Variants in CTNND2 observed in about 807,000 individuals in gnomAD.
The protein encoded by CTNND2 is catenin delta-2.
CTNND2 carries 22 observed loss-of-function variants against 144.4 expected under a neutral mutation model. That is an observed-to-expected ratio of 0.15 (90% CI 0.11 to 0.22). The LOEUF (loss-of-function observed/expected upper bound fraction) is 0.22. Ranked by LOEUF, CTNND2 falls within the 10% of genes least tolerant of loss-of-function variation. CTNND2 has a pLI of 1.00. For missense variants in CTNND2, 1,353 were observed against 1,618.8 expected (o/e 0.84, Z 2.82); for synonymous variants, 751 against 695.6 (o/e 1.08, Z -1.25).
At chr5:11,253,096 T>C (rs1026091319) in intron 9 of CTNND2, among the ~76,000 whole-genome samples, 11 of 152,260 alleles carry the variant, frequency 7.2e-5, no homozygotes, top group Admixed American at 2.6e-4. Flanking sequence ...GGTCAGGAGA[T>C]GGAACAGAGA....
intron 1 of CTNND2, among the ~76,000 whole-genome samples, chr5:11,822,949 G>A (rs1370071870): frequency 1.3e-5 from 2 of 152,090 alleles, no homozygotes; most frequent in African/African-American, 4.8e-5. Flanking sequence ...GATAATAAAT[G>A]TATGTCACTA....
intron 9 of CTNND2, among the ~76,000 whole-genome samples, chr5:11,326,603 A>G (rs1752554736): frequency 6.6e-6 from 1 of 152,018 alleles, no homozygotes; most frequent in South Asian, 2.1e-4. Flanking sequence ...CTAGGTGTAC[A>G]TTTCTCTCTT....
At chr5:11,719,134 C>A (rs1246028739) in intron 2 of CTNND2, among the ~76,000 whole-genome samples, 2 of 152,172 alleles carry the variant, frequency 1.3e-5, no homozygotes, top group Non-Finnish European at 2.9e-5. Flanking sequence ...GTTACATAAC[C>A]AAGGCCGTTC....
intron 3 of CTNND2, among the ~76,000 whole-genome samples, chr5:11,477,590 T>C (rs914956433): frequency 2.0e-5 from 3 of 152,092 alleles, no homozygotes; most frequent in Non-Finnish European, 2.9e-5. Context: ...TTTTAAATTG[T>C]TTTTTGTAGA....
chr5:11,808,925 G>A (rs568913008), intron 1 of CTNND2, among the ~76,000 whole-genome samples: 2 of 152,296 alleles, frequency 1.3e-5, no homozygotes, highest in South Asian at 4.1e-4. Flanking sequence ...AAATTAACCT[G>A]AACTACTAAT....
intron 9 of CTNND2, among the ~76,000 whole-genome samples, chr5:11,272,218 T>C (rs1461141444): frequency 2.6e-5 from 4 of 152,186 alleles, no homozygotes; most frequent in Non-Finnish European, 5.9e-5. Flanking sequence ...GATAGAATTC[T>C]GTCCTTTCTT....
intron 9 of CTNND2, among the ~76,000 whole-genome samples, chr5:11,257,877 G>C (rs921594935): frequency 2.6e-5 from 4 of 152,122 alleles, no homozygotes; most frequent in African/African-American, 9.7e-5. Context: ...AGATGGTAAG[G>C]CACCTGACAG....
intron 3 of CTNND2, among the ~76,000 whole-genome samples, chr5:11,452,828 G>A (rs1194813240): frequency 6.6e-6 from 1 of 152,114 alleles, no homozygotes. Context: ...CACATAATAT[G>A]TGCGCACATT....
intron 1 of CTNND2, among the ~76,000 whole-genome samples, chr5:11,842,507 CAGGAGATCG>C (rs1304079752): frequency 7.9e-5 from 12 of 152,040 alleles, no homozygotes; most frequent in Non-Finnish European, 1.5e-5. Flanking sequence ...ATCGTGAGGT[CAGGAGATCG>C]AGACCATCCT....
rs1250157665 is a variant in CTNND2, at chr5:11,411,620, T to C, written c.355A>G (p.Thr119Ala). 5 of 1,611,456 alleles carry C rather than the reference T, an allele frequency of 3.1e-6. No homozygotes were observed. The highest frequency in any genetic ancestry group is 1.7e-4 in the Middle Eastern group (1 of 6,046). The stretch of plus-strand genomic sequence containing the variant: ...CAGGAGTCCACCAGCTCGAGACCTG[T>C]TGTAAGCTCATCTTCGATATCTTTT... ...GQKDIEDELTTGLELVDSCIR... is the reference protein window; with the variant it reads ...GQKDIEDELTAGLELVDSCIR... The change falls in exon 5 of 22, where the codon ACA becomes GCA. Residue 119 changes from threonine (T) to alanine (A), a missense_variant. Thr to Ala is a moderately conservative substitution (Grantham distance 58). Transcript: ENST00000304623.
At chr5:11,459,411 A>G (rs1290698040) in intron 3 of CTNND2, among the ~76,000 whole-genome samples, 2 of 152,188 alleles carry the variant, frequency 1.3e-5, no homozygotes, top group Non-Finnish European at 2.9e-5. Context: ...AGGAGACTCT[A>G]CTCGGAAGAA....
At chr5:11,165,195 T>C (rs1235178041) in intron 11 of CTNND2, among the ~76,000 whole-genome samples, 1 of 152,236 alleles carries the variant, frequency 6.6e-6, no homozygotes, top group African/African-American at 2.4e-5. Context: ...ATTATTTACT[T>C]TGAATCTACA....
At chr5:11,036,017 T>G (rs852631) in intron 16 of CTNND2, among the ~76,000 whole-genome samples, 30,382 of 152,124 alleles carry the variant, frequency 0.2, 3,606 homozygotes, top group Non-Finnish European at 0.27. Context: ...TTCTCTCTGA[T>G]TATATTTGAG....
intron 1 of CTNND2, among the ~76,000 whole-genome samples, chr5:11,868,443 C>T (rs1233212091): frequency 6.6e-6 from 1 of 152,134 alleles, no homozygotes. Flanking sequence ...ACTGAATATT[C>T]AGAATCAAGG....
At chr5:11,816,413 T>C (rs142869824) in intron 1 of CTNND2, among the ~76,000 whole-genome samples, 5 of 150,328 alleles carry the variant, frequency 3.3e-5, no homozygotes, top group Non-Finnish European at 7.4e-5. Context: ...AGAGAGGGAG[T>C]CCCAAGGCTG....
intron 14 of CTNND2, among the ~76,000 whole-genome samples, chr5:11,100,307 T>A (rs1181352717): frequency 6.6e-6 from 1 of 152,198 alleles, no homozygotes; most frequent in African/African-American, 2.4e-5. Flanking sequence ...CAATTTTAAC[T>A]TTATAACAAG....
intron 18 of CTNND2, among the ~76,000 whole-genome samples, chr5:11,001,587 C>G (rs1274508897): frequency 6.6e-6 from 1 of 152,076 alleles, no homozygotes; most frequent in African/African-American, 2.4e-5. Context: ...AGCTAGCATC[C>G]ACGGTTCTTA....
At chr5:11,398,048 A>G (rs1421899308) in intron 5 of CTNND2, among the ~76,000 whole-genome samples, 1 of 152,152 alleles carries the variant, frequency 6.6e-6, no homozygotes, top group Non-Finnish European at 1.5e-5. Context: ...GAGTAAATGT[A>G]CTTGTTATTT....
In CTNND2 at chr5:11,144,501, A is replaced by T. The variant is rs7713340; in HGVS notation, c.2159+15075T>A. ...TGTGCTTCCTCTGAGGATCTGTCAC[A>T]TGCTCTCCTTGTCTCCTGGGGCACA... On this transcript the variant is annotated intron_variant, in intron 12 of 21. Coordinates refer to ENST00000304623, the MANE Select transcript of CTNND2 (RefSeq NM_001332.4). 3.3e-5 allele frequency among the ~76,000 whole-genome samples: 5 copies of T among 151,956 alleles called. No homozygotes were observed. The South Asian group carries it at 1.0e-3, about 32-fold the overall frequency.
Sources: gnomAD v4.1 joint callset for allele counts (sites outside exome capture counted in the v4.1 genomes callset) on GRCh38, gnomAD v4.1.1 for gene constraint, MANE v1.5 for transcripts, NCBI Gene and HGNC (gene_info 2026-07-23, HGNC 2026-07-21) for gene names.